The following TMEM91 variants were observed in gnomAD, a reference collection of about 807,000 sequenced individuals.
TMEM91 encodes the protein dispanin subfamily C member 3.
In TMEM91, 6 loss-of-function variants were observed where a neutral mutation model predicts 13.3. That is an observed-to-expected ratio of 0.45 (90% CI 0.25 to 0.89). The LOEUF (loss-of-function observed/expected upper bound fraction) is 0.89. Ranked by LOEUF, TMEM91 falls within the 40% of genes least tolerant of loss-of-function variation. The probability of loss-of-function intolerance (pLI) is 0.19; values close to 1 mark genes in which losing one functional copy is unlikely to be tolerated. For missense variants in TMEM91, 193 were observed against 228.7 expected (o/e 0.84, Z 1.01); for synonymous variants, 87 against 101.7 (o/e 0.86, Z 0.87).
At position 41,378,426 on chromosome 19, in the gene TMEM91, C is replaced by A. The variant is rs1455440684; in HGVS notation, c.117C>A (p.Ala39=). The A allele has an allele frequency of 6.8e-6, 11 of 1,614,090 alleles. No individual in the cohort carries two copies. The highest frequency in any genetic ancestry group is 1.6e-4 in the Middle Eastern group (1 of 6,084). The change falls in exon 2 of 4, where the codon GCC becomes GCA. Residue 39 remains alanine (A), a synonymous_variant. Coordinates refer to ENST00000392002, the MANE Select transcript of TMEM91 (RefSeq NM_001098821.2). ...HELGSPLREI[A]FAESLRGLQF... is the part of the protein sequence containing the mutation. ...TGGGGTCCCCCTTAAGAGAGATAGCCTTTGCCGAGTCCCTGAGGGGTTTGC... is the reference window on the plus strand; with the variant it reads ...TGGGGTCCCCCTTAAGAGAGATAGCATTTGCCGAGTCCCTGAGGGGTTTGC...
In TMEM91 at chr19:41,378,533, G is replaced by A. The variant is rs751121096; in HGVS notation, c.210+14G>A. 6 of 1,613,742 alleles carry A rather than the reference G, an allele frequency of 3.7e-6. No homozygotes were observed. Among genetic ancestry groups the A allele is most frequent in the Non-Finnish European group, 5.1e-6 (6 of 1,179,842 alleles). ...CCTGATGTTGAGGTAGGAAACAGCA[G>A]GCCTTAGTGGAAGGCACGGGAGGGG... On this transcript the variant is annotated intron_variant, in intron 2 of 3. Coordinates refer to ENST00000392002, the MANE Select transcript of TMEM91 (RefSeq NM_001098821.2).
chr19:41,379,569 A>G (rs994879481), intron 2 of TMEM91, among the ~76,000 whole-genome samples: 47 of 146,974 alleles, frequency 3.2e-4, no homozygotes, highest in African/African-American at 1.2e-3. Flanking sequence ...GAGAGAGAGA[A>G]AGAGAGAGGG....
At chr19:41,377,804 A>T (rs768306572) in intron 1 of TMEM91, among the ~76,000 whole-genome samples, 11 of 151,848 alleles carry the variant, frequency 7.2e-5, no homozygotes, top group Non-Finnish European at 1.6e-4. Flanking sequence ...TAAGGTCAGG[A>T]GTTCGGGACC....
chr19:41,368,050 T>A (rs1234627730), intron 1 of TMEM91, among the ~76,000 whole-genome samples: 2 of 152,112 alleles, frequency 1.3e-5, no homozygotes, highest in Non-Finnish European at 2.9e-5. Flanking sequence ...ATAGCAACAT[T>A]CCTCTCAAGG....
At chr19:41,369,157 G>A (rs1027470864) in intron 1 of TMEM91, among the ~76,000 whole-genome samples, 6 of 152,050 alleles carry the variant, frequency 3.9e-5, no homozygotes, top group South Asian at 4.2e-4. Context: ...CACAGCCGGC[G>A]GTCCCGGCTA....
At chr19:41,375,538 A>G (rs1182507894), upstream of TMEM91, among the ~76,000 whole-genome samples, 1 of 149,344 alleles carries the variant, frequency 6.7e-6, no homozygotes, top group African/African-American at 2.4e-5. Context: ...TCGGCCTCCC[A>G]AAGTGTTGGG....
chr19:41,380,545 CAAGTT>C (rs1461651176), intron 2 of TMEM91, among the ~76,000 whole-genome samples: 8 of 152,020 alleles, frequency 5.3e-5, no homozygotes, highest in African/African-American at 9.7e-5. Flanking sequence ...GAGGCCAAGA[CAAGTT>C]AATTGCTTGA....
At chr19:41,368,185 AG>A (rs1347719777) in intron 1 of TMEM91, among the ~76,000 whole-genome samples, 2 of 151,918 alleles carry the variant, frequency 1.3e-5, no homozygotes, top group South Asian at 4.2e-4. Flanking sequence ...CCACAGCAAC[AG>A]GATCACTTGA....
At chr19:41,373,015 T>C (rs1215297438), upstream of TMEM91, among the ~76,000 whole-genome samples, 1 of 152,168 alleles carries the variant, frequency 6.6e-6, no homozygotes, top group Admixed American at 6.6e-5. Flanking sequence ...CATGGCTCAC[T>C]GCAACCTCCA....
intron 1 of TMEM91, among the ~76,000 whole-genome samples, chr19:41,377,876 G>T (rs548700255): frequency 2.0e-5 from 3 of 151,720 alleles, no homozygotes; most frequent in Admixed American, 2.0e-4. Context: ...AATTAGCCGG[G>T]CATGGTGGTG....
chr19:41,377,858 A>T (rs2038760484), intron 1 of TMEM91, among the ~76,000 whole-genome samples: 1 of 148,748 alleles, frequency 6.7e-6, no homozygotes, highest in African/African-American at 2.5e-5. Flanking sequence ...TAAAAATACA[A>T]AAAAAAAAAT....
intron 3 of TMEM91, chr19:41,383,203 G>A (rs978525766): frequency 2.4e-5 from 11 of 463,474 alleles, no homozygotes; most frequent in Non-Finnish European, 3.7e-5. Context: ...AGAGGCGCGC[G>A]CTACCATGCC....
intron 2 of TMEM91, among the ~76,000 whole-genome samples, chr19:41,381,365 T>C (rs2123203454): frequency 6.7e-6 from 1 of 148,368 alleles, no homozygotes; most frequent in East Asian, 2.0e-4. Context: ...CTAATTTTTT[T>C]TTTTTTTTTT....
chr19:41,379,888 CTTTTTTTTTTT>C (rs59525203), intron 2 of TMEM91, among the ~76,000 whole-genome samples: 3 of 75,136 alleles, frequency 4.0e-5, no homozygotes, highest in African/African-American at 1.7e-4. Flanking sequence ...TTAGGGCTTC[CTTTTTTTTTTT>C]TTTTTTTTTT....
At chr19:41,370,393 T>TTTA (rs376147570) in intron 1 of TMEM91, among the ~76,000 whole-genome samples, 4 of 142,986 alleles carry the variant, frequency 2.8e-5, no homozygotes, top group Non-Finnish European at 6.0e-5. Flanking sequence ...TTTATTTTTA[T>TTTA]TTTATTTATT....
At position 41,378,420 on chromosome 19, in the gene TMEM91, G is replaced by C; in HGVS notation, c.111G>C (p.Glu37Asp). 1 of 1,614,232 alleles carries C rather than the reference G, an allele frequency of 6.2e-7. No individual in the cohort carries two copies. The highest frequency in any genetic ancestry group is 1.1e-5 in the South Asian group (1 of 91,088). ...ATGAGCTGGGGTCCCCCTTAAGAGA[G>C]ATAGCCTTTGCCGAGTCCCTGAGGG... ...GRHELGSPLR[E>D]IAFAESLRGL... is the part of the protein sequence containing the mutation. Residue 37 changes from glutamate (E) to aspartate (D), a missense_variant, in exon 2 of 4, where the codon GAG becomes GAC. Coordinates refer to ENST00000392002, the MANE Select transcript of TMEM91 (RefSeq NM_001098821.2).
intron 3 of TMEM91, chr19:41,383,172 G>A: frequency 1.9e-6 from 1 of 534,998 alleles, no homozygotes; most frequent in South Asian, 3.0e-5. Context: ...TCCTGCCCCA[G>A]CCTCCTGAGT....
chr19:41,382,571 G>A lies in TMEM91; in HGVS notation c.211-201G>A, dbSNP rs567167278. Among the ~76,000 whole-genome samples the A allele has an allele frequency of 2.0e-5, 3 of 152,318 alleles. No homozygotes were observed. In the South Asian group the frequency reaches 6.2e-4, roughly 32 times the overall value. The stretch of plus-strand genomic sequence containing the variant: ...CCGGGAGGCAGTGAGCCGAGACTGT[G>A]CCATTGTACCCCAGCCTGGGTGACA... On this transcript the variant is annotated intron_variant, in intron 2 of 3. Transcript: ENST00000392002.
At chr19:41,381,076 C>CAAAAAAAAAAAA (rs1166323642) in intron 2 of TMEM91, among the ~76,000 whole-genome samples, 1 of 52,782 alleles carries the variant, frequency 1.9e-5, no homozygotes, top group Non-Finnish European at 3.4e-5. Context: ...GACTCTGTCT[C>CAAAAAAAAAAAA]AAAAAAAAAA....
Sources: allele counts gnomAD v4.1 joint callset (sites outside exome capture counted in the v4.1 genomes callset), GRCh38; gene constraint gnomAD v4.1.1; transcripts MANE v1.5; gene names NCBI Gene and HGNC (gene_info 2026-07-23, HGNC 2026-07-21).